The following ARID2 variants were observed in gnomAD, a reference collection of about 807,000 sequenced individuals.
ARID2 encodes AT-rich interactive domain-containing protein 2.
In ARID2, 32 loss-of-function variants were observed where a neutral mutation model predicts 184.6. That is an observed-to-expected ratio of 0.17 (90% CI 0.13 to 0.23). The LOEUF (loss-of-function observed/expected upper bound fraction) is 0.23, where lower values mean the gene tolerates loss of function less well. Ranked by LOEUF, ARID2 falls within the 10% of genes least tolerant of loss-of-function variation. ARID2 has a pLI of 1.00. For synonymous variants in ARID2, 836 were observed against 772.6 expected, an observed-to-expected ratio of 1.08 and a Z score of -1.36; for missense variants, 1,696 against 2,197.6, an observed-to-expected ratio of 0.77 and a Z score of 4.56.
chr12:45,837,055 G>T, intron 8 of ARID2, 64 bp downstream of exon 8: 1 of 1,546,680 alleles, frequency 6.5e-7, no homozygotes, highest in East Asian at 2.3e-5. Context: ...TACAATTTTA[G>T]GATGTGGCAT....
intron 16 of ARID2, among the ~76,000 whole-genome samples, chr12:45,889,923 G>A (rs943882145): frequency 2.6e-5 from 4 of 152,216 alleles, no homozygotes; most frequent in Non-Finnish European, 4.4e-5. Flanking sequence ...GGGTGACAGA[G>A]CAAGACTCTG....
intron 3 of ARID2, among the ~76,000 whole-genome samples, chr12:45,804,639 T>C (rs751224041): frequency 3.0e-4 from 46 of 152,110 alleles, no homozygotes; most frequent in Non-Finnish European, 4.0e-4. Context: ...TGGAAATGTC[T>C]GTTCTTGGAA....
intron 16 of ARID2, among the ~76,000 whole-genome samples, chr12:45,879,356 C>T (rs1190688887): frequency 6.6e-6 from 1 of 152,204 alleles, no homozygotes; most frequent in African/African-American, 2.4e-5. Flanking sequence ...AATGTTTACT[C>T]ACCCCCTTCC....
At chr12:45,744,391 T>G (rs1281008829) in intron 3 of ARID2, among the ~76,000 whole-genome samples, 1 of 152,182 alleles carries the variant, frequency 6.6e-6, no homozygotes, top group Admixed American at 6.5e-5. Context: ...GTATCTTTTT[T>G]TTAATCCATA....
At chr12:45,794,957 C>T (rs1358512408) in intron 3 of ARID2, among the ~76,000 whole-genome samples, 1 of 151,998 alleles carries the variant, frequency 6.6e-6, no homozygotes, top group Non-Finnish European at 1.5e-5. Context: ...GGGCACTTTC[C>T]CCACAAGTTT....
chr12:45,742,071 T>G (rs962959272), intron 3 of ARID2, among the ~76,000 whole-genome samples: 1 of 152,204 alleles, frequency 6.6e-6, no homozygotes, highest in East Asian at 1.9e-4. Context: ...GCAGTACATA[T>G]AGAATACTTC....
At chr12:45,769,631 C>T (rs1220166868) in intron 3 of ARID2, among the ~76,000 whole-genome samples, 2 of 152,154 alleles carry the variant, frequency 1.3e-5, no homozygotes, top group Non-Finnish European at 2.9e-5. Flanking sequence ...AAGGACTGAA[C>T]ATTTTTCTTT....
chr12:45,739,534 T>C (rs1941207565), intron 3 of ARID2, among the ~76,000 whole-genome samples: 1 of 141,866 alleles, frequency 7.0e-6, no homozygotes, highest in African/African-American at 2.7e-5. Context: ...TCAAATAAAG[T>C]TGTGTAATCT....
At chr12:45,781,724 G>A (rs930946199) in intron 3 of ARID2, among the ~76,000 whole-genome samples, 1 of 152,090 alleles carries the variant, frequency 6.6e-6, no homozygotes, top group African/African-American at 2.4e-5. Context: ...GATATGGATA[G>A]GTTTGTAGGT....
intron 3 of ARID2, among the ~76,000 whole-genome samples, chr12:45,753,320 C>T (rs1941503517): frequency 6.6e-6 from 1 of 152,042 alleles, no homozygotes; most frequent in Non-Finnish European, 1.5e-5. Context: ...AGTGTTTCCC[C>T]CCTCATGATG....
At chr12:45,732,527 T>C (rs1941023322) in intron 3 of ARID2, among the ~76,000 whole-genome samples, 1 of 152,168 alleles carries the variant, frequency 6.6e-6, no homozygotes. Context: ...AGAGTACATT[T>C]TAAATTAAAG....
chr12:45,815,502 A>G (rs552627626), intron 4 of ARID2, among the ~76,000 whole-genome samples: 36 of 152,264 alleles, frequency 2.4e-4, no homozygotes, highest in African/African-American at 8.4e-4. Flanking sequence ...GTATCTCTTC[A>G]ACTGTCTGCA....
intron 16 of ARID2, among the ~76,000 whole-genome samples, chr12:45,877,821 A>T (rs989840686): frequency 1.3e-5 from 2 of 152,184 alleles, no homozygotes; most frequent in African/African-American, 4.8e-5. Flanking sequence ...TTCTTCTCTA[A>T]CACTCTTCCT....
intron 16 of ARID2, among the ~76,000 whole-genome samples, chr12:45,863,497 G>A (rs984856279): frequency 1.3e-5 from 2 of 152,060 alleles, no homozygotes; most frequent in African/African-American, 4.8e-5. Context: ...GAGAACTGGA[G>A]AATCTCTTGA....
At position 45,905,350 on chromosome 12, in the gene ARID2, A is replaced by G; in HGVS notation, c.*272A>G. 1 of 313,666 alleles carries G rather than the reference A, an allele frequency of 3.2e-6. No homozygotes were observed. Among genetic ancestry groups the G allele is most frequent in the African/African-American group, 2.1e-5 (1 of 47,630 alleles). 19.4% of individuals were successfully genotyped at this position (313,666 alleles called of 1,614,324 possible). A position where few individuals can be genotyped will look rare whatever the true frequency, so the allele number is the denominator to read the frequency against. On this transcript the variant is annotated 3_prime_UTR_variant, in exon 21 of 21. Coordinates refer to ENST00000334344, the MANE Select transcript of ARID2 (RefSeq NM_152641.4). Reference sequence around the variant, plus strand: ...TCTGCAGGATGTTTCAGATCTGATAAATCCTGATGGAAACTGGTATGATCA... The same window carrying G: ...TCTGCAGGATGTTTCAGATCTGATAGATCCTGATGGAAACTGGTATGATCA...
intron 3 of ARID2, among the ~76,000 whole-genome samples, chr12:45,777,209 AAAG>A (rs1218159305): frequency 2.0e-5 from 3 of 152,102 alleles, no homozygotes; most frequent in Non-Finnish European, 4.4e-5. Flanking sequence ...TATTTAAAGA[AAAG>A]AAGTCTAAAA....
At chr12:45,760,056 G>A (rs866935106) in intron 3 of ARID2, among the ~76,000 whole-genome samples, 3 of 151,778 alleles carry the variant, frequency 2.0e-5, no homozygotes, top group African/African-American at 2.4e-5. Flanking sequence ...TTTTGTTAAC[G>A]CTGCATGAAT....
chr12:45,742,319 A>T (rs910867640), intron 3 of ARID2, among the ~76,000 whole-genome samples: 1 of 152,202 alleles, frequency 6.6e-6, no homozygotes, highest in Non-Finnish European at 1.5e-5. Context: ...GCATTGTATT[A>T]TACTTGCTTG....
chr12:45,812,802 T>A (rs745490744), intron 4 of ARID2, among the ~76,000 whole-genome samples: 6 of 152,208 alleles, frequency 3.9e-5, no homozygotes, highest in Non-Finnish European at 7.3e-5. Flanking sequence ...TTAAAGATCA[T>A]TTTCAACTTA....
Sources: gnomAD v4.1 joint callset for allele counts (sites outside exome capture counted in the v4.1 genomes callset) on GRCh38, gnomAD v4.1.1 for gene constraint, MANE v1.5 for transcripts, NCBI Gene and HGNC (gene_info 2026-07-23, HGNC 2026-07-21) for gene names.